The following TRPM3 variants were observed in gnomAD, a reference collection of about 807,000 sequenced individuals.
TRPM3 encodes the protein transient receptor potential cation channel subfamily M member 3.
Under a neutral mutation model 181.2 loss-of-function variants are expected in TRPM3, and 77 were observed. The observed-to-expected ratio is 0.42, with a 90% CI of 0.35 to 0.51. The LOEUF (loss-of-function observed/expected upper bound fraction) is 0.51, where lower values mean the gene tolerates loss of function less well. Ranked by LOEUF, TRPM3 falls within the 20% of genes least tolerant of loss-of-function variation. TRPM3 has a pLI of 0.01. For synonymous variants in TRPM3, 745 were observed against 796.4 expected (o/e 0.94, Z 1.09); for missense variants, 1,759 against 2,196.7 (o/e 0.80, Z 3.98).
At chr9:71,242,682 T>G (rs777933327) in intron 1 of TRPM3, among the ~76,000 whole-genome samples, 10 of 152,192 alleles carry the variant, frequency 6.6e-5, no homozygotes, top group Non-Finnish European at 1.3e-4. Context: ...TGCCACAACT[T>G]CTTGCCTGGG....
intron 1 of TRPM3, among the ~76,000 whole-genome samples, chr9:70,900,087 A>T (rs2096361760): frequency 6.6e-6 from 1 of 152,244 alleles, no homozygotes; most frequent in Non-Finnish European, 1.5e-5. Flanking sequence ...AGAAAAATCA[A>T]GTTCCAAGTA....
intron 25 of TRPM3, among the ~76,000 whole-genome samples, chr9:70,542,248 T>TAA (rs1246163050): frequency 6.6e-6 from 1 of 152,112 alleles, no homozygotes; most frequent in Non-Finnish European, 1.5e-5. Flanking sequence ...ATTTGTGGGA[T>TAA]AAAAATGGAG....
intron 1 of TRPM3, among the ~76,000 whole-genome samples, chr9:71,258,031 TC>T (rs1404457402): frequency 6.6e-6 from 1 of 152,198 alleles, no homozygotes; most frequent in Non-Finnish European, 1.5e-5. Context: ...TCTGAAGGTT[TC>T]CACCATCTAA....
chr9:71,307,028 C>T (rs2087413043), intron 1 of TRPM3, among the ~76,000 whole-genome samples: 1 of 152,182 alleles, frequency 6.6e-6, no homozygotes. Flanking sequence ...CAGTTTTTTA[C>T]TGCAGTTGCT....
At chr9:70,866,331 TAG>T (rs549108021) in intron 1 of TRPM3, among the ~76,000 whole-genome samples, 1 of 152,050 alleles carries the variant, frequency 6.6e-6, no homozygotes, top group Non-Finnish European at 1.5e-5. Flanking sequence ...CTGGGAATTT[TAG>T]AGAGTGCTGA....
chr9:70,882,493 C>T (rs1165980800), intron 1 of TRPM3, among the ~76,000 whole-genome samples: 1 of 151,876 alleles, frequency 6.6e-6, no homozygotes, highest in African/African-American at 2.4e-5. Context: ...GGGACTTAGG[C>T]CTCAGATAAG....
intron 1 of TRPM3, among the ~76,000 whole-genome samples, chr9:71,138,369 C>T (rs2074896493): frequency 6.6e-6 from 1 of 152,072 alleles, no homozygotes; most frequent in Admixed American, 6.5e-5. Context: ...GAGATGATCC[C>T]GTGCATACGC....
chr9:70,547,111 C>T (rs1364713590), intron 25 of TRPM3, among the ~76,000 whole-genome samples: 1 of 152,104 alleles, frequency 6.6e-6, no homozygotes, highest in Non-Finnish European at 1.5e-5. Context: ...AAAGAAACTC[C>T]TTTTCCTAAG....
intron 8 of TRPM3, among the ~76,000 whole-genome samples, chr9:70,686,347 C>T (rs185144382): frequency 6.6e-6 from 1 of 152,158 alleles, no homozygotes; most frequent in Non-Finnish European, 1.5e-5. Context: ...ATTACAAACG[C>T]CATTGCAGTG....
intron 1 of TRPM3, among the ~76,000 whole-genome samples, chr9:71,061,738 G>A (rs148347127): frequency 3.6e-4 from 55 of 152,176 alleles, no homozygotes; most frequent in African/African-American, 1.3e-3. Flanking sequence ...GGACTCAGAA[G>A]GGAGATCTCT....
At chr9:71,426,575 T>C (rs1019614041) in intron 1 of TRPM3, among the ~76,000 whole-genome samples, 32 of 152,150 alleles carry the variant, frequency 2.1e-4, no homozygotes, top group African/African-American at 4.6e-4. Context: ...ATTGGTTTAA[T>C]TGCACATGGC....
intron 22 of TRPM3, among the ~76,000 whole-genome samples, chr9:70,570,579 C>G (rs1473436116): frequency 6.6e-6 from 1 of 152,180 alleles, no homozygotes; most frequent in Admixed American, 6.5e-5. Context: ...AAGGATTATG[C>G]TGGGATTACA....
intron 1 of TRPM3, among the ~76,000 whole-genome samples, chr9:71,007,310 C>T (rs2097690238): frequency 1.3e-5 from 2 of 151,880 alleles, no homozygotes; most frequent in South Asian, 4.2e-4. Flanking sequence ...ATTATCCAGA[C>T]AAAAGAGACA....
intron 1 of TRPM3, among the ~76,000 whole-genome samples, chr9:71,312,215 A>G (rs1181492754): frequency 6.6e-6 from 1 of 152,194 alleles, no homozygotes; most frequent in Non-Finnish European, 1.5e-5. Context: ...CTCTTAAAAC[A>G]GTGAGAAAAC....
At chr9:71,409,193 G>A (rs2093494833) in intron 1 of TRPM3, among the ~76,000 whole-genome samples, 2 of 152,148 alleles carry the variant, frequency 1.3e-5, no homozygotes. Flanking sequence ...GGAAGACACT[G>A]CATCAACTAC....
At chr9:70,617,960 G>A (rs1239809864) in intron 17 of TRPM3, among the ~76,000 whole-genome samples, 7 of 151,978 alleles carry the variant, frequency 4.6e-5, no homozygotes, top group Non-Finnish European at 8.8e-5. Flanking sequence ...GCAAGACCTT[G>A]TCTCAAAAAC....
intron 1 of TRPM3, among the ~76,000 whole-genome samples, chr9:71,434,561 A>T (rs1321839645): frequency 6.6e-6 from 1 of 152,166 alleles, no homozygotes; most frequent in Non-Finnish European, 1.5e-5. Context: ...TCTAGGGAAA[A>T]CTATCTATTT....
intron 1 of TRPM3, among the ~76,000 whole-genome samples, chr9:71,241,338 T>C (rs753692219): frequency 6.6e-6 from 1 of 152,038 alleles, no homozygotes; most frequent in Non-Finnish European, 1.5e-5. Flanking sequence ...CTTAACTGAA[T>C]CTAGCCAAAA....
At chr9:70,922,783 TA>T (rs931458747) in intron 1 of TRPM3, among the ~76,000 whole-genome samples, 2 of 152,196 alleles carry the variant, frequency 1.3e-5, no homozygotes, top group Non-Finnish European at 2.9e-5. Context: ...GTAGTGCAGC[TA>T]AGTGGTCTCA....
Sources: allele counts gnomAD v4.1 joint callset (sites outside exome capture counted in the v4.1 genomes callset), GRCh38; gene constraint gnomAD v4.1.1; transcripts MANE v1.5; gene names NCBI Gene and HGNC (gene_info 2026-07-23, HGNC 2026-07-21).